Variants in MPPE1 observed in about 807,000 individuals in gnomAD.
The protein encoded by MPPE1 is metallophosphoesterase 1.
MPPE1 carries 28 observed loss-of-function variants against 43.8 expected under a neutral mutation model. That is an observed-to-expected ratio of 0.64 (90% confidence interval 0.47 to 0.88). The LOEUF (loss-of-function observed/expected upper bound fraction) is 0.88, where lower values mean the gene tolerates loss of function less well. MPPE1 is among the 40% of genes least tolerant of loss of function. The probability of loss-of-function intolerance (pLI) is 0.00; values close to 1 mark genes in which losing one functional copy is unlikely to be tolerated. For synonymous variants in MPPE1, 159 were observed against 188.5 expected, an observed-to-expected ratio of 0.84 and a Z score of 1.28; for missense variants, 428 against 492.2, an observed-to-expected ratio of 0.87 and a Z score of 1.23.
rs758601196 is a variant in MPPE1, at chr18:11,885,723, C to T, written c.961G>A (p.Val321Ile). Residue 321 changes from valine (V) to isoleucine (I), a missense_variant, in exon 10 of 11, where the codon GTC becomes ATC. By Grantham distance (29) the Val-to-Ile change is conservative (BLOSUM62 3). Transcript: ENST00000588072. The stretch of plus-strand genomic sequence containing the variant: ...CTGTTCCTCCAACTGAAAGATGGGA[C>T]GCTGAGCTCGGGGACTCGGCCCCCG... ...HHGGRVPELS[V>I]PSFSWRNRNN... 6.2e-6 allele frequency: 10 copies of T among 1,613,908 alleles called. No homozygotes were observed. In the African/African-American group the frequency reaches 6.7e-5, roughly 11 times the overall value.
chr18:11,903,787 C>T lies in MPPE1; in HGVS notation c.-93+2416G>A, dbSNP rs79289118. ...CGCCATTGCACTCCAGCCTGGGGGA[C>T]AGAGCGAGACTCCGTCTCAAAAAAA... On this transcript the variant is annotated intron_variant, in intron 2 of 10. Transcript: ENST00000588072. Among the ~76,000 whole-genome samples the T allele has an allele frequency of 2.6e-4, 40 of 152,246 alleles. No individual in the cohort carries two copies. In the East Asian group the frequency reaches 6.6e-3, roughly 25 times the overall value.
chr18:11,900,896 G>A (rs1387603501), intron 2 of MPPE1, among the ~76,000 whole-genome samples: 1 of 141,320 alleles, frequency 7.1e-6, no homozygotes, highest in Admixed American at 7.1e-5. Context: ...GACAGAGCAA[G>A]ACTCCGTCTC....
At chr18:11,888,602 A>G (rs916269258) in intron 6 of MPPE1, 67 bp downstream of exon 6, 5 of 924,018 alleles carry the variant, frequency 5.4e-6, no homozygotes, top group African/African-American at 1.7e-5. Flanking sequence ...CCAGTATGGC[A>G]GGCACCTTTA....
At chr18:11,900,751 C>CA (rs1368352219) in intron 2 of MPPE1, among the ~76,000 whole-genome samples, 16 of 150,756 alleles carry the variant, frequency 1.1e-4, no homozygotes, top group South Asian at 2.1e-4. Flanking sequence ...ACTAAAAATA[C>CA]AAAAAATTAG....
At position 11,884,316 on chromosome 18, in the gene MPPE1, G is replaced by GTGAT. The variant is rs1242973068; in HGVS notation, c.*125_*128dup. On this transcript the variant is annotated 3_prime_UTR_variant, in exon 11 of 11. Coordinates refer to ENST00000588072, the MANE Select transcript of MPPE1 (RefSeq NM_023075.6). ...ATTTATTTTGCAGTTACTCATTTCA[G>GTGAT]TGATTGAGAATTTCTGTGCTGTGCA... 1.9e-5 allele frequency: 16 copies of GTGAT among 855,096 alleles called. No homozygotes were observed. The highest frequency in any genetic ancestry group is 1.7e-5 in the African/African-American group (1 of 59,124). The allele number at this position is 855,096 out of a possible 1,614,324, so 53.0% of individuals were successfully genotyped here. A position where few individuals can be genotyped will look rare whatever the true frequency, so the allele number is the denominator to read the frequency against.
chr18:11,900,799 C>T (rs1016793687), intron 2 of MPPE1, among the ~76,000 whole-genome samples: 4 of 150,922 alleles, frequency 2.7e-5, no homozygotes, highest in Non-Finnish European at 5.9e-5. Context: ...CCCAGCTACT[C>T]GGGAGGATGA....
At chr18:11,900,168 A>G (rs1394341870) in intron 2 of MPPE1, among the ~76,000 whole-genome samples, 2 of 152,072 alleles carry the variant, frequency 1.3e-5, no homozygotes, top group Non-Finnish European at 2.9e-5. Context: ...CCAACCTGGC[A>G]AAACCCCATC....
chr18:11,890,589 C>A (rs2037889655), intron 4 of MPPE1, among the ~76,000 whole-genome samples: 1 of 152,230 alleles, frequency 6.6e-6, no homozygotes, highest in South Asian at 2.1e-4. Flanking sequence ...GGATTACAGG[C>A]ATAAGCCACC....
intron 3 of MPPE1, among the ~76,000 whole-genome samples, chr18:11,896,648 G>A (rs2038645232): frequency 1.3e-5 from 2 of 152,170 alleles, no homozygotes; most frequent in African/African-American, 2.4e-5. Flanking sequence ...CCAGGCACCA[G>A]GCATTGTGTA....
intron 3 of MPPE1, among the ~76,000 whole-genome samples, chr18:11,894,734 G>C (rs1327476867): frequency 6.6e-6 from 1 of 152,064 alleles, no homozygotes; most frequent in Non-Finnish European, 1.5e-5. Context: ...GGGATTACAG[G>C]CATGTGCCAC....
chr18:11,896,802 T>C (rs946042025), intron 3 of MPPE1, among the ~76,000 whole-genome samples, 182 bp downstream of exon 3: 1 of 152,186 alleles, frequency 6.6e-6, no homozygotes, highest in African/African-American at 2.4e-5. Context: ...TCCCAAATTA[T>C]GGGGCCCTGT....
At chr18:11,885,925 A>G in intron 9 of MPPE1, 109 bp from the exon 10 acceptor site, 1 of 1,084,560 alleles carries the variant, frequency 9.2e-7, no homozygotes, top group Non-Finnish European at 1.2e-6. Flanking sequence ...TAAATTACAT[A>G]CTAAATCCTT....
chr18:11,904,311 A>AT (rs11426779), intron 2 of MPPE1, among the ~76,000 whole-genome samples: 43,049 of 150,014 alleles, frequency 0.29, 6,767 homozygotes, highest in South Asian at 0.44. Context: ...AATCTTTTTT[A>AT]TTTATTTATT....
chr18:11,886,479 A>C lies in MPPE1; in HGVS notation c.867+20T>G. On this transcript the variant is annotated intron_variant, in intron 9 of 10. Coordinates refer to ENST00000588072, the MANE Select transcript of MPPE1 (RefSeq NM_023075.6). This position sits in a 1 kb window ranked among gnomAD's most constrained non-coding sequence, Gnocchi z 4.1. ...GAGTCACACTGTGACATGAATTAGCATCACGACACCCTGGCAAACCTTTTG... is the reference window on the plus strand; with the variant it reads ...GAGTCACACTGTGACATGAATTAGCCTCACGACACCCTGGCAAACCTTTTG... The C allele has an allele frequency of 6.2e-7, 1 of 1,614,168 alleles. No individual in the cohort carries two copies. Among genetic ancestry groups the C allele is most frequent in the Non-Finnish European group, 8.5e-7 (1 of 1,180,040 alleles).
chr18:11,900,244 G>A (rs1324541208), intron 2 of MPPE1, among the ~76,000 whole-genome samples: 2 of 152,160 alleles, frequency 1.3e-5, no homozygotes, highest in African/African-American at 4.8e-5. Flanking sequence ...TACTCAGGAG[G>A]CTGAGGGCAA....
intron 1 of MPPE1, among the ~76,000 whole-genome samples, chr18:11,906,882 G>T (rs2039774643): frequency 6.6e-6 from 1 of 150,686 alleles, no homozygotes; most frequent in African/African-American, 2.4e-5. Flanking sequence ...ATTTATCTTT[G>T]AACTTTTCAA....
intron 2 of MPPE1, among the ~76,000 whole-genome samples, chr18:11,903,731 A>G (rs936502478): frequency 2.1e-4 from 32 of 152,266 alleles, no homozygotes; most frequent in African/African-American, 3.1e-4. Context: ...GCGTGAACCC[A>G]GGAGGCGGAG....
intron 4 of MPPE1, chr18:11,893,222 A>T (rs573856509): frequency 7.2e-4 from 335 of 463,158 alleles, no homozygotes; most frequent in African/African-American, 5.9e-3. Flanking sequence ...TGGCTAATCG[A>T]CATATTTCCT....
At chr18:11,906,854 C>CA (rs56796280) in intron 1 of MPPE1, among the ~76,000 whole-genome samples, 48,983 of 114,782 alleles carry the variant, frequency 0.43, 8,936 homozygotes, top group East Asian at 0.58. Flanking sequence ...AACTCCGTCT[C>CA]AAAAAAAAAA....
Sources: gnomAD v4.1 joint callset for allele counts (sites outside exome capture counted in the v4.1 genomes callset) on GRCh38, gnomAD v4.1.1 for gene constraint, Gnocchi (gnomAD v3.1) non-coding constraint, MANE v1.5 for transcripts, NCBI Gene and HGNC (gene_info 2026-07-23, HGNC 2026-07-21) for gene names.